Variants in LYZL4 observed in about 807,000 individuals in gnomAD.
The protein encoded by LYZL4 is lysozyme like 4, also known as lysozyme-like protein 4.
In LYZL4, 13 loss-of-function variants were observed where a neutral mutation model predicts 17.6. The ratio of observed to expected loss-of-function variants is 0.74; its 90% CI spans 0.48 to 1.18. LYZL4 has a LOEUF of 1.18. LYZL4 is among the 50% of genes most tolerant of loss of function. LYZL4 has a pLI of 0.00. For synonymous variants in LYZL4, 64 were observed against 67.7 expected (o/e 0.95, Z 0.27); for missense variants, 174 against 188.2 (o/e 0.92, Z 0.44).
At chr3:42,367,080 T>A in the LYZL4 span, among the ~76,000 whole-genome samples, 15 of 152,308 alleles carry the variant, frequency 9.8e-5, no homozygotes, top group African/African-American at 2.4e-4. Context: ...GGGGATCAGC[T>A]CCTTCTAGCT....
chr3:42,380,140 C>T, the LYZL4 span, among the ~76,000 whole-genome samples: 1 of 152,180 alleles, frequency 6.6e-6, no homozygotes, highest in Admixed American at 6.5e-5. Flanking sequence ...AGCCACCCAG[C>T]CTGTAGTAAT....
the LYZL4 span, among the ~76,000 whole-genome samples, chr3:42,381,957 G>C: frequency 6.6e-6 from 1 of 152,116 alleles, no homozygotes; most frequent in Non-Finnish European, 1.5e-5. Flanking sequence ...TTCTGTGAGG[G>C]GGAAAAACAT....
At chr3:42,373,264 G>A in the LYZL4 span, among the ~76,000 whole-genome samples, 1 of 152,110 alleles carries the variant, frequency 6.6e-6, no homozygotes, top group Non-Finnish European at 1.5e-5. Flanking sequence ...TGGAGCTGGT[G>A]CGGAGAGCCT....
At chr3:42,378,825 T>C in the LYZL4 span, among the ~76,000 whole-genome samples, 1 of 152,330 alleles carries the variant, frequency 6.6e-6, no homozygotes, top group South Asian at 2.1e-4. Context: ...CTCACTTCAT[T>C]CTCGCAGCAA....
chr3:42,394,575 A>G (rs1156291054), downstream of LYZL4, among the ~76,000 whole-genome samples: 1 of 152,206 alleles, frequency 6.6e-6, no homozygotes, highest in Non-Finnish European at 1.5e-5. Context: ...GCTGCTGGTA[A>G]CAGAAGTAAT....
At chr3:42,369,722 C>A in the LYZL4 span, among the ~76,000 whole-genome samples, 1 of 152,172 alleles carries the variant, frequency 6.6e-6, no homozygotes, top group Admixed American at 6.5e-5. Flanking sequence ...ATGCTTTCGA[C>A]TTGGATCCAG....
At chr3:42,387,718 C>A in the LYZL4 span, among the ~76,000 whole-genome samples, 1 of 152,190 alleles carries the variant, frequency 6.6e-6, no homozygotes, top group Non-Finnish European at 1.5e-5. Flanking sequence ...ACTTGCCTCA[C>A]TTTCCAAGCT....
At chr3:42,403,816 C>T (rs973490824) in intron 4 of LYZL4, among the ~76,000 whole-genome samples, 7 of 152,048 alleles carry the variant, frequency 4.6e-5, no homozygotes, top group Non-Finnish European at 1.0e-4. Context: ...TCTATATAAC[C>T]CTAAACAAGA....
chr3:42,384,582 G>A, the LYZL4 span, among the ~76,000 whole-genome samples: 2 of 152,164 alleles, frequency 1.3e-5, no homozygotes, highest in African/African-American at 4.8e-5. Context: ...AACTTTTGGG[G>A]TTGAATGAAT....
At chr3:42,402,287 C>G (rs1322709942) in intron 4 of LYZL4, among the ~76,000 whole-genome samples, 1 of 149,244 alleles carries the variant, frequency 6.7e-6, no homozygotes, top group Non-Finnish European at 1.5e-5. Context: ...GCCAGGGTGA[C>G]AGAGCAAGGC....
intron 3 of LYZL4, among the ~76,000 whole-genome samples, chr3:42,406,443 G>C (rs1698751373): frequency 1.7e-5 from 2 of 118,560 alleles, no homozygotes; most frequent in Middle Eastern, 0.014. Context: ...GACTCAGTGA[G>C]ACTCCGTCTC....
At chr3:42,361,289 A>G in the LYZL4 span, among the ~76,000 whole-genome samples, 1 of 152,136 alleles carries the variant, frequency 6.6e-6, no homozygotes, top group Admixed American at 6.5e-5. Context: ...ACTCCATAGG[A>G]ACACATGTAG....
chr3:42,365,735 C>T, the LYZL4 span, among the ~76,000 whole-genome samples: 3 of 152,024 alleles, frequency 2.0e-5, no homozygotes, highest in Admixed American at 2.0e-4. Context: ...AGAATTGGTA[C>T]CAATATTTTA....
the LYZL4 span, among the ~76,000 whole-genome samples, chr3:42,390,716 T>C: frequency 7.0e-3 from 1,066 of 152,342 alleles, 11 homozygotes; most frequent in African/African-American, 0.024. Flanking sequence ...CCCATTGTTA[T>C]GGTATCTGCA....
Position 42,407,015 on chromosome 3 carries a change from G to T in LYZL4, c.140-17C>A. 6.2e-7 allele frequency: 1 copy of T among 1,614,146 alleles called. No individual in the cohort carries two copies. The highest frequency in any genetic ancestry group is 1.6e-4 in the Middle Eastern group (1 of 6,062). On this transcript the variant is annotated splice_polypyrimidine_tract_variant and intron_variant, in intron 2 of 4. Transcript: ENST00000287748. Reference sequence around the variant, plus strand: ...GGCACACCCCTAAGATGGAACAGAAGGTGTGTGACTCTGAGGACAGCTGGA... The same window carrying T: ...GGCACACCCCTAAGATGGAACAGAATGTGTGTGACTCTGAGGACAGCTGGA...
At chr3:42,378,874 T>C in the LYZL4 span, among the ~76,000 whole-genome samples, 3 of 152,212 alleles carry the variant, frequency 2.0e-5, 1 homozygote, top group Non-Finnish European at 4.4e-5. Flanking sequence ...TCTCTTTTTA[T>C]TTGACAAGTG....
At chr3:42,366,902 C>T in the LYZL4 span, among the ~76,000 whole-genome samples, 1 of 152,192 alleles carries the variant, frequency 6.6e-6, no homozygotes, top group Admixed American at 6.5e-5. Flanking sequence ...TCTGTCTCCC[C>T]ATGAGACCTA....
chr3:42,378,677 G>C, the LYZL4 span, among the ~76,000 whole-genome samples: 1,465 of 152,230 alleles, frequency 9.6e-3, 21 homozygotes, highest in African/African-American at 0.034. Context: ...CTGGTTCCAC[G>C]TGTTAAGGTG....
the LYZL4 span, among the ~76,000 whole-genome samples, chr3:42,367,705 G>A: frequency 1.3e-5 from 2 of 152,208 alleles, no homozygotes; most frequent in Non-Finnish European, 2.9e-5. Flanking sequence ...GATATGAGGG[G>A]CTTTCTTGAA....
Sources: allele counts gnomAD v4.1 joint callset (sites outside exome capture counted in the v4.1 genomes callset), GRCh38; gene constraint gnomAD v4.1.1; transcripts MANE v1.5; gene names NCBI Gene and HGNC (gene_info 2026-07-23, HGNC 2026-07-21).